Variants in TBCE observed in about 807,000 individuals in gnomAD.
The protein encoded by TBCE is tubulin-specific chaperone E.
Under a neutral mutation model 77.0 loss-of-function variants are expected in TBCE, and 53 were observed. That is an observed-to-expected ratio of 0.69 (90% CI 0.55 to 0.87). The LOEUF (loss-of-function observed/expected upper bound fraction) is 0.87. Among genes scored for constraint, TBCE ranks in the 40% least tolerant of loss-of-function variants. The pLI, the probability that TBCE is intolerant of heterozygous loss-of-function variation, is 0.00. For missense variants in TBCE, 624 were observed against 622.4 expected (o/e 1.00, Z -0.03); for synonymous variants, 235 against 241.3 (o/e 0.97, Z 0.24).
intron 3 of TBCE, among the ~76,000 whole-genome samples, chr1:235,404,960 CTTTTTTTT>C (rs71174427): frequency 4.6e-4 from 58 of 126,006 alleles, no homozygotes; most frequent in African/African-American, 1.5e-3. Context: ...ATGCCCGGTA[CTTTTTTTT>C]TTTTTTTTTT....
At position 235,450,469 on chromosome 1, in the gene TBCE, T is replaced by C; in HGVS notation, c.*1707T>C. ...ATTATTTCAAGGATAACTCCGTGTG[T>C]GGAACAACTGGTGAGGTTTGGGGGT... On this transcript the variant is annotated 3_prime_UTR_variant, in exon 17 of 17. Transcript: ENST00000642610. The C allele has an allele frequency of 8.5e-7, 1 of 1,182,908 alleles. No individual in the cohort carries two copies. The allele number at this position is 1,182,908 out of a possible 1,614,324, so 73.3% of individuals were successfully genotyped here.
At chr1:235,370,660 A>T (rs1349872856) in intron 1 of TBCE, among the ~76,000 whole-genome samples, 8 of 151,170 alleles carry the variant, frequency 5.3e-5, no homozygotes, top group African/African-American at 1.9e-4. Flanking sequence ...ACACTCCATA[A>T]TATAATTGTT....
chr1:235,437,119 C>A (rs1230827294), intron 11 of TBCE, among the ~76,000 whole-genome samples: 1 of 151,946 alleles, frequency 6.6e-6, no homozygotes, highest in Non-Finnish European at 1.5e-5. Context: ...ACGAGCGAAA[C>A]TCCATCTCAA....
intron 7 of TBCE, 49 bp downstream of exon 7, chr1:235,430,853 G>C: frequency 6.6e-7 from 1 of 1,511,790 alleles, no homozygotes. Context: ...AATTAAAAAT[G>C]TTTGGTTTAA....
intron 4 of TBCE, among the ~76,000 whole-genome samples, chr1:235,418,751 T>A (rs1235306777): frequency 1.3e-5 from 2 of 152,188 alleles, no homozygotes; most frequent in Non-Finnish European, 2.9e-5. Flanking sequence ...AACAATAGAC[T>A]GTTGAGGAAA....
Position 235,414,440 on chromosome 1 carries a change from A to G in TBCE, c.193A>G (p.Thr65Ala). 6.2e-7 allele frequency: 1 copy of G among 1,613,760 alleles called. No individual in the cohort carries two copies. Among genetic ancestry groups the G allele is most frequent in the Non-Finnish European group, 8.5e-7 (1 of 1,179,996 alleles). ...GTVYFKCRHP[T>A]GGSFIRPNKV... ...TTTGCTCTTCTTTACCAGGCACCCG[A>G]CAGGAGGATCCTTTATTCGTCCGAA... The change falls in exon 4 of 17, where the codon ACA (threonine) becomes GCA (alanine). Residue 65 changes from threonine (T) to alanine (A), a missense_variant. Transcript: ENST00000642610.
intron 3 of TBCE, among the ~76,000 whole-genome samples, chr1:235,403,096 C>T (rs1412646243): frequency 2.0e-5 from 3 of 152,218 alleles, no homozygotes; most frequent in Admixed American, 6.6e-5. Context: ...CTTGCCATCT[C>T]TGAATTTGTT....
At chr1:235,427,006 C>T in intron 5 of TBCE, 134 bp from the exon 6 acceptor site, 1 of 683,998 alleles carries the variant, frequency 1.5e-6, no homozygotes, top group Non-Finnish European at 2.6e-6. Flanking sequence ...ATTATGTACT[C>T]CTGAAAAAAT....
intron 2 of TBCE, 146 bp downstream of exon 2, chr1:235,380,295 G>A (rs1677556917): frequency 2.8e-6 from 2 of 707,102 alleles, no homozygotes; most frequent in African/African-American, 1.7e-5. Context: ...TAATTTATAG[G>A]TGCCTCCTGT....
intron 3 of TBCE, among the ~76,000 whole-genome samples, chr1:235,407,051 A>G (rs931968952): frequency 1.2e-4 from 18 of 147,408 alleles, no homozygotes; most frequent in Non-Finnish European, 1.8e-4. Context: ...CTGGTCTCGA[A>G]CTCCCGACCT....
chr1:235,382,021 G>A (rs1677698271), intron 2 of TBCE, among the ~76,000 whole-genome samples: 1 of 136,622 alleles, frequency 7.3e-6, no homozygotes, highest in Non-Finnish European at 1.5e-5. Context: ...GTGTCCATGT[G>A]TTCTCATTGT....
chr1:235,397,210 T>C (rs1446650243), intron 2 of TBCE, among the ~76,000 whole-genome samples: 1 of 149,250 alleles, frequency 6.7e-6, no homozygotes, highest in African/African-American at 2.5e-5. Context: ...CTTTTTTTTT[T>C]TTTTTTTTTG....
chr1:235,396,309 C>A (rs1179638206), intron 2 of TBCE, among the ~76,000 whole-genome samples: 1 of 151,898 alleles, frequency 6.6e-6, no homozygotes, highest in African/African-American at 2.4e-5. Flanking sequence ...CTGCCCGCCT[C>A]TGCCTCCCAA....
chr1:235,397,736 G>A (rs1678829790), intron 2 of TBCE, among the ~76,000 whole-genome samples: 1 of 152,178 alleles, frequency 6.6e-6, no homozygotes, highest in African/African-American at 2.4e-5. Context: ...GTCTGGTTCA[G>A]TCTTCTGTGC....
intron 2 of TBCE, among the ~76,000 whole-genome samples, chr1:235,392,263 G>A (rs954934159): frequency 2.0e-5 from 3 of 152,234 alleles, no homozygotes; most frequent in Admixed American, 6.6e-5. Flanking sequence ...GCTGAAATGG[G>A]AGGATTGCTT....
chr1:235,437,392 C>T lies in TBCE; in HGVS notation c.1034C>T (p.Thr345Ile), dbSNP rs1459819286. ...TTGTCCTGCCTAAGAAACCCCCTGACCAAAGAGGACAAAGAAGCAGAGACG... is the reference window on the plus strand; with the variant it reads ...TTGTCCTGCCTAAGAAACCCCCTGATCAAAGAGGACAAAGAAGCAGAGACG... ...RALSCLRNPLTKEDKEAETAR... is the reference protein window; with the variant it reads ...RALSCLRNPLIKEDKEAETAR... The change falls in exon 12 of 17, where the codon ACC (threonine) becomes ATC (isoleucine). Residue 345 changes from threonine (T) to isoleucine (I), a missense_variant. Transcript: ENST00000642610. 1 of 1,614,074 alleles carries T rather than the reference C, an allele frequency of 6.2e-7. No individual in the cohort carries two copies. Among genetic ancestry groups the T allele is most frequent in the Non-Finnish European group, 8.5e-7 (1 of 1,180,024 alleles).
At chr1:235,424,573 T>C (rs1474522925) in intron 5 of TBCE, among the ~76,000 whole-genome samples, 1 of 151,888 alleles carries the variant, frequency 6.6e-6, no homozygotes, top group Non-Finnish European at 1.5e-5. Context: ...TGGCATGATC[T>C]TGGCTCACTG....
intron 2 of TBCE, among the ~76,000 whole-genome samples, chr1:235,390,609 A>G (rs1678319522): frequency 6.6e-6 from 1 of 151,950 alleles, no homozygotes; most frequent in African/African-American, 2.4e-5. Flanking sequence ...AAAAATACAA[A>G]AATTAGTCAG....
chr1:235,424,750 C>T (rs1680609327), intron 5 of TBCE, among the ~76,000 whole-genome samples: 1 of 152,048 alleles, frequency 6.6e-6, no homozygotes, highest in Non-Finnish European at 1.5e-5. Flanking sequence ...GGTGATCCGC[C>T]CGCCTCGGCC....
Sources: allele counts gnomAD v4.1 joint callset (sites outside exome capture counted in the v4.1 genomes callset), GRCh38; gene constraint gnomAD v4.1.1; transcripts MANE v1.5; gene names NCBI Gene and HGNC (gene_info 2026-07-23, HGNC 2026-07-21).